The following TMEM245 variants were observed in gnomAD, a reference collection of about 807,000 sequenced individuals.
TMEM245 encodes the protein transmembrane protein 245.
Under a neutral mutation model 101.2 loss-of-function variants are expected in TMEM245, and 69 were observed. The observed-to-expected ratio is 0.68, with a 90% CI of 0.56 to 0.83. The LOEUF (loss-of-function observed/expected upper bound fraction) is 0.83. Among genes scored for constraint, TMEM245 ranks in the 40% least tolerant of loss-of-function variants. TMEM245 has a pLI of 0.00. For synonymous variants in TMEM245, 537 were observed against 449.8 expected (o/e 1.19, Z -2.45); for missense variants, 1,075 against 1,092.8 (o/e 0.98, Z 0.23).
intron 14 of TMEM245, among the ~76,000 whole-genome samples, chr9:109,048,974 A>C (rs764256326): frequency 5.9e-5 from 9 of 152,236 alleles, no homozygotes; most frequent in Non-Finnish European, 1.2e-4. Context: ...GCTGTAGGAC[A>C]GAGGAGAAAC....
chr9:109,053,088 C>G (rs1306529708), intron 12 of TMEM245, among the ~76,000 whole-genome samples: 2 of 152,136 alleles, frequency 1.3e-5, no homozygotes, highest in African/African-American at 4.8e-5. Context: ...AATAGCAAGG[C>G]CCATGAAACT....
rs199996420 is a variant in TMEM245 at position 109,086,030 on chromosome 9, A to G, written c.1321-10T>C. The G allele has an allele frequency of 6.8e-6, 11 of 1,607,382 alleles. No homozygotes were observed. Among genetic ancestry groups the G allele is most frequent in the African/African-American group, 1.5e-5 (1 of 68,858 alleles). ...TTAGCCAGTGCCAGAGCTTGAGGATAGGGGGTAAGGTGAGAAAGAGAAGAT... is the reference window on the plus strand; with the variant it reads ...TTAGCCAGTGCCAGAGCTTGAGGATGGGGGGTAAGGTGAGAAAGAGAAGAT... On this transcript the variant is annotated splice_polypyrimidine_tract_variant and intron_variant, in intron 6 of 17. Transcript: ENST00000374586.
In TMEM245 at chr9:109,108,438, A is replaced by AG; in HGVS notation, c.697+14_697+15insC. ...CTAGACTTAAAAAAAAAAAAAAAAA[A>AG]AAGAAGGAACCCACCTAAATGAAAA... On this transcript the variant is annotated intron_variant, in intron 2 of 17. Transcript: ENST00000374586. 1 of 1,454,178 alleles carries AG rather than the reference A, an allele frequency of 6.9e-7. No individual in the cohort carries two copies. Among genetic ancestry groups the AG allele is most frequent in the South Asian group, 1.3e-5 (1 of 75,376 alleles). The allele number at this position is 1,454,178 out of a possible 1,614,324, so 90.1% of individuals were successfully genotyped here.
rs997700531 is a variant in TMEM245 at position 109,017,632 on chromosome 9, A to C, written c.*2828T>G. ...CTTTAATAAATCTATAAAATGCAAG[A>C]TATTATGACCAAGTTCTGTACTCCG... On this transcript the variant is annotated 3_prime_UTR_variant, in exon 18 of 18. Coordinates refer to ENST00000374586, the MANE Select transcript of TMEM245 (RefSeq NM_032012.4). The C allele has an allele frequency of 6.6e-6, 1 of 152,314 alleles. No individual in the cohort carries two copies. The highest frequency in any genetic ancestry group is 1.5e-5 in the Non-Finnish European group (1 of 68,032). The allele number at this position is 152,314 out of a possible 1,614,324, so 9.4% of individuals were successfully genotyped here.
At chr9:109,102,846 A>G (rs1830315665) in intron 3 of TMEM245, among the ~76,000 whole-genome samples, 1 of 152,258 alleles carries the variant, frequency 6.6e-6, no homozygotes, top group Admixed American at 6.5e-5. Flanking sequence ...AGCAAGGAGT[A>G]AAGTATTGGT....
At chr9:109,088,232 G>A (rs1345549590) in intron 5 of TMEM245, among the ~76,000 whole-genome samples, 1 of 152,102 alleles carries the variant, frequency 6.6e-6, no homozygotes, top group Non-Finnish European at 1.5e-5. Flanking sequence ...TGAACCATGA[G>A]CTCAGTGTTA....
intron 17 of TMEM245, among the ~76,000 whole-genome samples, chr9:109,021,224 G>A (rs930170090): frequency 6.6e-6 from 1 of 152,232 alleles, no homozygotes; most frequent in Non-Finnish European, 1.5e-5. Context: ...TAAATCACCT[G>A]GCTAAATTTA....
At chr9:109,036,128 A>G (rs1206079217) in intron 16 of TMEM245, 78 bp downstream of exon 16, 10 of 1,301,376 alleles carry the variant, frequency 7.7e-6, no homozygotes, top group Non-Finnish European at 1.0e-5. Context: ...CCCCCAGGAG[A>G]AAAAAATCCT....
intron 1 of TMEM245, among the ~76,000 whole-genome samples, chr9:109,113,925 A>C (rs1830638615): frequency 6.6e-6 from 1 of 152,172 alleles, no homozygotes; most frequent in African/African-American, 2.4e-5. Flanking sequence ...CCCCGTCTCT[A>C]CTAAAAACAC....
intron 8 of TMEM245, among the ~76,000 whole-genome samples, chr9:109,075,269 T>C (rs564719074): frequency 1.3e-5 from 2 of 152,328 alleles, no homozygotes; most frequent in Admixed American, 1.3e-4. Flanking sequence ...GGATTTAATC[T>C]GTTAATGTTT....
intron 1 of TMEM245, among the ~76,000 whole-genome samples, chr9:109,116,410 G>A (rs1332175262): frequency 6.6e-6 from 1 of 152,194 alleles, no homozygotes; most frequent in African/African-American, 2.4e-5. Context: ...GGGGGTGGGG[G>A]AGGTCTCACT....
intron 7 of TMEM245, among the ~76,000 whole-genome samples, 200 bp from the exon 8 acceptor site, chr9:109,081,143 T>C (rs1829655531): frequency 6.6e-6 from 1 of 152,182 alleles, no homozygotes; most frequent in Non-Finnish European, 1.5e-5. Flanking sequence ...AGTTTATTAC[T>C]GTCATAGCTA....
chr9:109,109,370 T>G (rs1047897893), intron 1 of TMEM245, among the ~76,000 whole-genome samples: 4 of 150,948 alleles, frequency 2.6e-5, no homozygotes, highest in Non-Finnish European at 4.4e-5. Flanking sequence ...AGAACACATC[T>G]GAGCACAAAG....
chr9:109,087,103 G>A, intron 6 of TMEM245, 70 bp downstream of exon 6: 3 of 1,368,284 alleles, frequency 2.2e-6, no homozygotes, highest in East Asian at 2.4e-5. Flanking sequence ...AAACACCATA[G>A]AATGGAAAAG....
chr9:109,080,933 C>G lies in TMEM245; in HGVS notation c.1355G>C (p.Trp452Ser). The change falls in exon 8 of 18, where the codon TGG becomes TCG. Residue 452 changes from tryptophan (W) to serine (S), a missense_variant. By Grantham distance (177) the Trp-to-Ser change is radical (BLOSUM62 -3). This residue lies in a region of TMEM245 where 808 missense variants were observed against 741.5 expected (regional missense o/e 1.09). Transcript: ENST00000374586. ...TATTTTATCTAACATCTTCTCCAAC[C>G]AGATGATCATCTGCACAAAAACGAA... ...WHWLNKKMII[W>S]LEKMLDKIIS... 6.3e-7 allele frequency: 1 copy of G among 1,598,692 alleles called. No individual in the cohort carries two copies. The highest frequency in any genetic ancestry group is 2.2e-5 in the East Asian group (1 of 44,618).
intron 12 of TMEM245, among the ~76,000 whole-genome samples, 198 bp downstream of exon 12, chr9:109,056,993 C>G (rs539512449): frequency 2.0e-5 from 3 of 152,308 alleles, no homozygotes; most frequent in Admixed American, 6.5e-5. Context: ...TCTACAACCA[C>G]AGGGGAAATA....
chr9:109,060,791 C>T (rs1317495304), intron 10 of TMEM245, among the ~76,000 whole-genome samples: 1 of 152,200 alleles, frequency 6.6e-6, no homozygotes, highest in African/African-American at 2.4e-5. Context: ...CAGTGACCTT[C>T]CATTATACAT....
At position 109,108,533 on chromosome 9, in the gene TMEM245, G is replaced by A; in HGVS notation, c.617C>T (p.Ser206Leu). 3 of 1,610,020 alleles carry A rather than the reference G, an allele frequency of 1.9e-6. No homozygotes were observed. The highest frequency in any genetic ancestry group is 2.5e-6 in the Non-Finnish European group (3 of 1,178,356). ...TLVVGYVLTV[S>L]FKWNASTERY... ...TTCAGTGCTTGCATTCCACTTGAATGAAACAGTCAACACATAGCCAACCAC... is the reference window on the plus strand; with the variant it reads ...TTCAGTGCTTGCATTCCACTTGAATAAAACAGTCAACACATAGCCAACCAC... Residue 206 changes from serine (S) to leucine (L), a missense_variant, in exon 2 of 18, where the codon TCA becomes TTA. By Grantham distance (145) the Ser-to-Leu change is moderately radical. Transcript: ENST00000374586.
Position 109,085,902 on chromosome 9 carries a change from A to G in TMEM245, c.1344+95T>C, listed in dbSNP as rs1829818702. ...ATTAAAACTTTGAAAACAAAAACTTAGTTTGACACATGGACAGAAACATAG... is the reference window on the plus strand; with the variant it reads ...ATTAAAACTTTGAAAACAAAAACTTGGTTTGACACATGGACAGAAACATAG... On this transcript the variant is annotated intron_variant, in intron 7 of 17. Coordinates refer to ENST00000374586, the MANE Select transcript of TMEM245 (RefSeq NM_032012.4). 2.2e-6 allele frequency: 3 copies of G among 1,357,180 alleles called. No homozygotes were observed. In the Admixed American group the frequency reaches 5.2e-5, roughly 24 times the overall value. The allele number at this position is 1,357,180 out of a possible 1,614,324, so 84.1% of individuals were successfully genotyped here. A position where few individuals can be genotyped will look rare whatever the true frequency, so the allele number is the denominator to read the frequency against.
Sources: allele counts gnomAD v4.1 joint callset (sites outside exome capture counted in the v4.1 genomes callset), GRCh38; gene constraint gnomAD v4.1.1; regional missense constraint gnomAD v4.1.1; transcripts MANE v1.5; gene names NCBI Gene and HGNC (gene_info 2026-07-23, HGNC 2026-07-21).